The following ADGRB1 variants were observed in gnomAD, a reference collection of about 807,000 sequenced individuals.
ADGRB1 encodes the protein adhesion G protein-coupled receptor B1.
In ADGRB1, 36 loss-of-function variants were observed where a neutral mutation model predicts 175.7. That is an observed-to-expected ratio of 0.20 (90% CI 0.16 to 0.27). The LOEUF (loss-of-function observed/expected upper bound fraction) is 0.27, where lower values mean the gene tolerates loss of function less well. ADGRB1 is among the 10% of genes least tolerant of loss of function. The pLI, the probability that ADGRB1 is intolerant of heterozygous loss-of-function variation, is 1.00. For synonymous variants in ADGRB1, 1,054 were observed against 979.4 expected, an observed-to-expected ratio of 1.08 and a Z score of -1.42; for missense variants, 1,731 against 2,255.3, an observed-to-expected ratio of 0.77 and a Z score of 4.71.
At position 142,481,716 on chromosome 8, in the gene ADGRB1, G is replaced by C; in HGVS notation, c.2130+5G>C. Reference sequence around the variant, plus strand: ...CCCACCCCTGGGGACGTACAGGTGGGCTCCCCGAGCGGCATTTTGGAAGAG... The same window carrying C: ...CCCACCCCTGGGGACGTACAGGTGGCCTCCCCGAGCGGCATTTTGGAAGAG... On this transcript the variant is annotated splice_donor_5th_base_variant and intron_variant, in intron 11 of 30. Transcript: ENST00000517894. 1 of 1,544,806 alleles carries C rather than the reference G, an allele frequency of 6.5e-7. No homozygotes were observed. The highest frequency in any genetic ancestry group is 1.9e-5 in the Admixed American group (1 of 51,702).
At chr8:142,503,089 T>TGTGGTGACAA (rs1842700891) in intron 17 of ADGRB1, among the ~76,000 whole-genome samples, 1 of 151,772 alleles carries the variant, frequency 6.6e-6, no homozygotes, top group Non-Finnish European at 1.5e-5. Flanking sequence ...GGGTGGAGGC[T>TGTGGTGACAA]GTGGTGACAA....
In ADGRB1 at chr8:142,537,384, C is replaced by G. The variant is rs896740307; in HGVS notation, c.3666+302C>G. ...TGGCTGGACACCACCCTCTGAGCAT[C>G]CCAGCCCTCAACTCAAGGTCCCCAT... is the stretch of plus-strand genomic sequence containing the variant. On this transcript the variant is annotated intron_variant, in intron 26 of 30. Coordinates refer to ENST00000517894, the MANE Select transcript of ADGRB1 (RefSeq NM_001702.3). The surrounding 1 kb of genome is among the most constrained non-coding windows in gnomAD (Gnocchi z 4.6). Among the ~76,000 whole-genome samples, 1 of 152,176 alleles carries G rather than the reference C, an allele frequency of 6.6e-6. No individual in the cohort carries two copies. Among genetic ancestry groups the G allele is most frequent in the East Asian group, 1.9e-4 (1 of 5,168 alleles).
intron 17 of ADGRB1, among the ~76,000 whole-genome samples, chr8:142,500,109 A>C (rs1563715810): frequency 6.6e-6 from 1 of 151,882 alleles, no homozygotes; most frequent in African/African-American, 2.4e-5. Flanking sequence ...CACGTTCCTC[A>C]CAATGCAAGA....
At chr8:142,503,294 TG>T (rs1169248717) in intron 17 of ADGRB1, among the ~76,000 whole-genome samples, 2 of 151,922 alleles carry the variant, frequency 1.3e-5, no homozygotes, top group Admixed American at 6.6e-5. Context: ...GAGATGAGGC[TG>T]GGCTGGCTGT....
chr8:142,514,808 G>A (rs185917755), intron 18 of ADGRB1, among the ~76,000 whole-genome samples: 26 of 152,274 alleles, frequency 1.7e-4, no homozygotes, highest in Middle Eastern at 3.4e-3. Context: ...TCAGGGGACA[G>A]GGTGTGATGG....
intron 17 of ADGRB1, among the ~76,000 whole-genome samples, chr8:142,509,605 G>C (rs1842981127): frequency 6.6e-6 from 1 of 152,240 alleles, no homozygotes; most frequent in South Asian, 2.1e-4. Flanking sequence ...AAGGCACCTT[G>C]CCGCACTCGT....
intron 16 of ADGRB1, among the ~76,000 whole-genome samples, 155 bp from the exon 17 acceptor site, chr8:142,490,617 T>C (rs900039020): frequency 2.0e-5 from 3 of 152,326 alleles, no homozygotes; most frequent in South Asian, 2.1e-4. Context: ...GTCTCCACCC[T>C]GGACTCAGTT....
intron 14 of ADGRB1, 87 bp from the exon 15 acceptor site, chr8:142,488,948 A>G: frequency 6.8e-7 from 1 of 1,465,012 alleles, no homozygotes; most frequent in Non-Finnish European, 9.3e-7. Context: ...GGCAGATGCC[A>G]GTGACAGCGG....
At chr8:142,521,739 A>G (rs1843861567) in intron 20 of ADGRB1, among the ~76,000 whole-genome samples, 1 of 152,238 alleles carries the variant, frequency 6.6e-6, no homozygotes, top group Non-Finnish European at 1.5e-5. Context: ...GTGCTGAGAA[A>G]GATGGGGAGG....
At chr8:142,453,665 A>AGGGCAGG (rs968784111) in intron 1 of ADGRB1, among the ~76,000 whole-genome samples, 1 of 152,136 alleles carries the variant, frequency 6.6e-6, no homozygotes, top group Non-Finnish European at 1.5e-5. Flanking sequence ...AACTGGGAGC[A>AGGGCAGG]GGGCAGGGGG....
At chr8:142,498,151 C>T (rs1298601805) in intron 17 of ADGRB1, among the ~76,000 whole-genome samples, 1 of 152,164 alleles carries the variant, frequency 6.6e-6, no homozygotes, top group Non-Finnish European at 1.5e-5. Context: ...GCCCACTGCC[C>T]TGCCCCCCTA....
In ADGRB1 at chr8:142,455,495, G is replaced by A. The variant is rs1839620621; in HGVS notation, c.-220+5391G>A. Among the ~76,000 whole-genome samples the A allele has an allele frequency of 6.6e-6, 1 of 152,192 alleles. No individual in the cohort carries two copies. Among genetic ancestry groups the A allele is most frequent in the Non-Finnish European group, 1.5e-5 (1 of 68,034 alleles). On this transcript the variant is annotated intron_variant, in intron 1 of 30. Coordinates refer to ENST00000517894, the MANE Select transcript of ADGRB1 (RefSeq NM_001702.3). This position sits in a 1 kb window ranked among gnomAD's most constrained non-coding sequence, Gnocchi z 4.9. ...ACTTGCCTTCCTGGGAGAGGAGCAT[G>A]CGGCAGGCTGGTCCCCTGCAGCCCA...
chr8:142,481,322 C>A lies in ADGRB1; in HGVS notation c.1897C>A (p.Arg633Ser). 1 of 1,613,878 alleles carries A rather than the reference C, an allele frequency of 6.2e-7. No homozygotes were observed. The highest frequency in any genetic ancestry group is 8.5e-7 in the Non-Finnish European group (1 of 1,179,872). ...CTACTGGGAGCCCCCCACCTACATC[C>A]GCTGTGTTTCCATTGACTACAGAAA... is the stretch of plus-strand genomic sequence containing the variant. ...IAYWEPPTYI[R>S]CVSIDYRNIQ... The change falls in exon 10 of 31, where the codon CGC becomes AGC. Residue 633 changes from arginine to serine, a missense_variant. Arg to Ser is a moderately radical substitution (Grantham distance 110). This residue lies in a region of ADGRB1 where 388 missense variants were observed against 630.9 expected (regional missense o/e 0.61). Transcript: ENST00000517894.
intron 17 of ADGRB1, among the ~76,000 whole-genome samples, chr8:142,499,207 T>C (rs111462791): frequency 0.035 from 5,329 of 152,270 alleles, 295 homozygotes; most frequent in African/African-American, 0.12. Flanking sequence ...GCGGGGAGGC[T>C]GTGGGTGACT....
intron 11 of ADGRB1, among the ~76,000 whole-genome samples, chr8:142,482,775 CCTGGTCACACGCTGAGCT>C (rs1251312747): frequency 2.0e-5 from 3 of 150,346 alleles, no homozygotes; most frequent in Non-Finnish European, 3.0e-5. Context: ...GAGCCCTGAT[CCTGGTCACACGCTGAGCT>C]CTGGTCACAC....
intron 27 of ADGRB1, among the ~76,000 whole-genome samples, chr8:142,540,229 G>A (rs1375038500): frequency 6.6e-6 from 1 of 152,236 alleles, no homozygotes; most frequent in Non-Finnish European, 1.5e-5. Context: ...GGGAGTGTGT[G>A]CTGGTGCCAG....
At chr8:142,450,800 C>G (rs1038771563) in intron 1 of ADGRB1, among the ~76,000 whole-genome samples, 6 of 152,168 alleles carry the variant, frequency 3.9e-5, no homozygotes, top group African/African-American at 1.4e-4. Context: ...ATTTTTGCGC[C>G]CCCCACCCCC....
chr8:142,510,215 G>A lies in ADGRB1; in HGVS notation c.2676-717G>A, dbSNP rs1308699975. Reference sequence around the variant, plus strand: ...AGTCCTGTGCTTAAATGCGTGCTCAGATGAAAAGCGGGGCAGTCGCGGCCC... The same window carrying A: ...AGTCCTGTGCTTAAATGCGTGCTCAAATGAAAAGCGGGGCAGTCGCGGCCC... On this transcript the variant is annotated intron_variant, in intron 17 of 30. Transcript: ENST00000517894. The surrounding 1 kb of genome is among the most constrained non-coding windows in gnomAD (Gnocchi z 6.3). 1.3e-5 allele frequency among the ~76,000 whole-genome samples: 2 copies of A among 152,152 alleles called. No homozygotes were observed. The highest frequency in any genetic ancestry group is 2.4e-5 in the African/African-American group (1 of 41,460).
chr8:142,454,324 C>T (rs1349136912), intron 1 of ADGRB1, among the ~76,000 whole-genome samples: 4 of 152,178 alleles, frequency 2.6e-5, no homozygotes, highest in Non-Finnish European at 4.4e-5. Flanking sequence ...AGAGCAGGCA[C>T]GCGTGTCCCC....
Sources: allele counts gnomAD v4.1 joint callset (sites outside exome capture counted in the v4.1 genomes callset), GRCh38; gene constraint gnomAD v4.1.1; regional missense constraint gnomAD v4.1.1; non-coding constraint Gnocchi (gnomAD v3.1); transcripts MANE v1.5; gene names NCBI Gene and HGNC (gene_info 2026-07-23, HGNC 2026-07-21).